The following GRIA3 variants were observed in gnomAD, a reference collection of about 807,000 sequenced individuals.
GRIA3 encodes the protein glutamate ionotropic receptor AMPA type subunit 3, also known as glutamate receptor 3.
Under a neutral mutation model 63.0 loss-of-function variants are expected in GRIA3, and 3 were observed. The ratio of observed to expected loss-of-function variants is 0.05; its 90% CI spans 0.02 to 0.12. GRIA3 has a LOEUF of 0.12. GRIA3 is among the 10% of genes least tolerant of loss of function. The probability of loss-of-function intolerance (pLI) is 1.00; values close to 1 mark genes in which losing one functional copy is unlikely to be tolerated. For synonymous variants in GRIA3, 274 were observed against 257.9 expected (o/e 1.06, Z -0.60); for missense variants, 347 against 700.9 (o/e 0.50, Z 5.70).
intron 5 of GRIA3, among the ~76,000 whole-genome samples, chrX:123,380,488 G>T (rs934777251): frequency 6.3e-5 from 7 of 111,302 alleles, no homozygotes; most frequent in Non-Finnish European, 9.4e-5. Context: ...TTTTTGATGG[G>T]GTTGTTGGTT....
At chrX:123,306,835 T>G in intron 3 of GRIA3, among the ~76,000 whole-genome samples, 1 of 111,931 alleles carries the variant, frequency 8.9e-6, no homozygotes, top group East Asian at 2.8e-4. Context: ...TCTCTAGCCC[T>G]GGGGCACAAG....
chrX:123,333,145 A>C (rs1375809290), intron 4 of GRIA3, among the ~76,000 whole-genome samples: 2 of 111,737 alleles, frequency 1.8e-5, no homozygotes, highest in East Asian at 5.6e-4. Flanking sequence ...AGCATCTTCA[A>C]AAGACAAACA....
At chrX:123,470,225 A>AT (rs2045854707) in intron 13 of GRIA3, among the ~76,000 whole-genome samples, 1 of 111,629 alleles carries the variant, frequency 9.0e-6, no homozygotes, top group Non-Finnish European at 1.9e-5. Flanking sequence ...AGGGAGGAGG[A>AT]TGGGATGTGC....
intron 13 of GRIA3, 56 bp downstream of exon 13, chrX:123,465,168 T>G (rs1310742283): frequency 9.2e-7 from 1 of 1,082,489 alleles, no homozygotes; most frequent in Non-Finnish European, 1.3e-6. Context: ...CCTACCCTGA[T>G]GCATTTTGTT....
chrX:123,198,221 T>C (rs1206502163), intron 2 of GRIA3, among the ~76,000 whole-genome samples: 2 of 112,140 alleles, frequency 1.8e-5, no homozygotes, highest in African/African-American at 6.5e-5. Flanking sequence ...TCTTACAGCA[T>C]TCAGTATACT....
intron 2 of GRIA3, among the ~76,000 whole-genome samples, chrX:123,225,985 TTGA>T (rs1186402981): frequency 8.9e-6 from 1 of 111,963 alleles, no homozygotes; most frequent in Non-Finnish European, 1.9e-5. Flanking sequence ...TTAATATCCC[TTGA>T]TAAGAAATAT....
At chrX:123,387,957 G>A (rs2045362833) in intron 5 of GRIA3, among the ~76,000 whole-genome samples, 1 of 112,060 alleles carries the variant, frequency 8.9e-6, no homozygotes, top group South Asian at 3.7e-4. Flanking sequence ...ATGAGTTAGG[G>A]AGAATTCCCT....
intron 3 of GRIA3, among the ~76,000 whole-genome samples, chrX:123,289,290 G>C (rs945330179): frequency 2.7e-5 from 3 of 109,902 alleles, no homozygotes; most frequent in Admixed American, 9.7e-5. Context: ...ACTAGGGGAG[G>C]GATAGCATTA....
At chrX:123,236,464 A>G (rs1315782537) in intron 2 of GRIA3, among the ~76,000 whole-genome samples, 1 of 111,623 alleles carries the variant, frequency 9.0e-6, no homozygotes, top group African/African-American at 3.3e-5. Flanking sequence ...GCAATAAAAT[A>G]AAATTAAATA....
intron 4 of GRIA3, among the ~76,000 whole-genome samples, chrX:123,332,950 G>A (rs1016590949): frequency 3.6e-5 from 4 of 110,808 alleles, no homozygotes; most frequent in African/African-American, 6.6e-5. Flanking sequence ...ACAGTCTTCC[G>A]CCACTAAATA....
intron 3 of GRIA3, among the ~76,000 whole-genome samples, chrX:123,325,202 T>C (rs970808059): frequency 1.8e-5 from 2 of 111,953 alleles, no homozygotes; most frequent in Non-Finnish European, 3.8e-5. Flanking sequence ...AAGACCAGCA[T>C]GTAGAAAACT....
rs1491148630 is a variant in GRIA3 at position 123,463,691 on chromosome X, A to AG, written c.2077-1174_2077-1173insG. Among the ~76,000 whole-genome samples, 15 of 38,643 alleles carry AG rather than the reference A, an allele frequency of 3.9e-4. 1 individual carries two copies. Among genetic ancestry groups the AG allele is most frequent in the East Asian group, 3.5e-3 (5 of 1,420 alleles). The allele number at this position is 38,643 out of a possible 115,157, so 33.6% of individuals were successfully genotyped here. On this transcript the variant is annotated intron_variant, in intron 12 of 15. Coordinates refer to ENST00000620443, the MANE Select transcript of GRIA3 (RefSeq NM_007325.5). ...AAGAAAGAAAGAAAGAAAGAGAGAG[A>AG]AAGAAAGAAAAAGAAAGAAAGAAAG...
chrX:123,218,736 T>C (rs1928222598), intron 2 of GRIA3, among the ~76,000 whole-genome samples: 1 of 111,713 alleles, frequency 9.0e-6, no homozygotes, highest in African/African-American at 3.3e-5. Flanking sequence ...TTCTCCTTCC[T>C]ACTTCATAGC....
At position 123,463,684 on chromosome X, in the gene GRIA3, G is replaced by GAA. The variant is rs1450137968; in HGVS notation, c.2077-1180_2077-1179insAA. On this transcript the variant is annotated intron_variant, in intron 12 of 15. Transcript: ENST00000620443. ...AGAAAGAAAGAAAGAAAGAAAGAAA[G>GAA]AGAGAGAAAGAAAGAAAAAGAAAGA... Among the ~76,000 whole-genome samples the GAA allele has an allele frequency of 1.6e-3, 86 of 53,987 alleles. 1 individual carries two copies. Among genetic ancestry groups the GAA allele is most frequent in the East Asian group, 3.3e-3 (6 of 1,825 alleles). The allele number at this position is 53,987 out of a possible 115,157, so 46.9% of individuals were successfully genotyped here. A position where few individuals can be genotyped will look rare whatever the true frequency, so the allele number is the denominator to read the frequency against.
chrX:123,370,670 T>C (rs760458125), intron 5 of GRIA3, among the ~76,000 whole-genome samples: 10 of 111,425 alleles, frequency 9.0e-5, no homozygotes, highest in African/African-American at 3.3e-4. Flanking sequence ...CTAGGAATAA[T>C]GTATTTTATT....
intron 11 of GRIA3, among the ~76,000 whole-genome samples, chrX:123,426,089 T>A (rs1452046623): frequency 9.0e-6 from 1 of 111,571 alleles, no homozygotes; most frequent in Non-Finnish European, 1.9e-5. Context: ...GCCAGGCTCC[T>A]ACGCCTATTC....
At chrX:123,256,685 G>A (rs6648499) in intron 3 of GRIA3, among the ~76,000 whole-genome samples, 3 of 111,952 alleles carry the variant, frequency 2.7e-5, no homozygotes, top group Non-Finnish European at 5.6e-5. Context: ...GCCATGCTGA[G>A]GAGTATGAAT....
intron 12 of GRIA3, among the ~76,000 whole-genome samples, chrX:123,459,164 T>A (rs2045779393): frequency 8.9e-6 from 1 of 111,800 alleles, no homozygotes; most frequent in East Asian, 2.8e-4. Context: ...GTGAGGAAAT[T>A]GAGACACATA....
chrX:123,241,776 T>A (rs932951606), intron 2 of GRIA3, among the ~76,000 whole-genome samples: 2 of 111,334 alleles, frequency 1.8e-5, no homozygotes, highest in African/African-American at 6.5e-5. Flanking sequence ...GGGATGCATA[T>A]TGTCAGATGT....
Sources: gnomAD v4.1 joint callset for allele counts (sites outside exome capture counted in the v4.1 genomes callset) on GRCh38, gnomAD v4.1.1 for gene constraint, MANE v1.5 for transcripts, NCBI Gene and HGNC (gene_info 2026-07-23, HGNC 2026-07-21) for gene names.